CTTN: variants seen among roughly 807,000 people sequenced by gnomAD.
The protein encoded by CTTN is cortactin.
A neutral mutation model predicts 84.0 loss-of-function variants in CTTN; 28 were observed. The observed-to-expected ratio is 0.33, with a 90% CI of 0.25 to 0.46. CTTN has a LOEUF of 0.46. Ranked by LOEUF, CTTN falls within the 20% of genes least tolerant of loss-of-function variation. The probability of loss-of-function intolerance (pLI) is 1.00; values close to 1 mark genes in which losing one functional copy is unlikely to be tolerated. For synonymous variants in CTTN, 301 were observed against 288.8 expected (o/e 1.04, Z -0.43); for missense variants, 641 against 723.8 (o/e 0.89, Z 1.31).
chr11:70,425,432 G>T, intron 13 of CTTN, 31 bp downstream of exon 13: 3 of 1,575,462 alleles, frequency 1.9e-6, no homozygotes, highest in Non-Finnish European at 2.6e-6. Flanking sequence ...GGAGCACCGT[G>T]TGGTTTCCCA....
At chr11:70,414,003 G>C (rs2058126177) in intron 5 of CTTN, among the ~76,000 whole-genome samples, 1 of 152,146 alleles carries the variant, frequency 6.6e-6, no homozygotes, top group African/African-American at 2.4e-5. Context: ...CTGTGTCCAG[G>C]GTTCGTGTGC....
At chr11:70,424,845 T>G (rs1278314023) in intron 12 of CTTN, among the ~76,000 whole-genome samples, 1 of 152,106 alleles carries the variant, frequency 6.6e-6, no homozygotes, top group Admixed American at 6.5e-5. Context: ...CTGGTCTCCA[T>G]GAGCCCTGAC....
At chr11:70,427,727 G>A (rs192765293) in intron 13 of CTTN, among the ~76,000 whole-genome samples, 15 of 152,358 alleles carry the variant, frequency 9.8e-5, no homozygotes, top group Admixed American at 9.8e-4. Context: ...CTGGGTCTCT[G>A]AGTTGTGCTC....
Position 70,419,949 on chromosome 11 carries a change from A to G in CTTN, c.679+93A>G, listed in dbSNP as rs753525393. The G allele has an allele frequency of 5.4e-6, 5 of 926,646 alleles. No homozygotes were observed. The East Asian group carries it at 1.3e-4, about 24-fold the overall frequency. 57.4% of individuals were successfully genotyped at this position (926,646 alleles called of 1,614,324 possible). A position where few individuals can be genotyped will look rare whatever the true frequency, so the allele number is the denominator to read the frequency against. ...AAAGGAAAAACAAAGCGTTATTGAT[A>G]GCCCTTAACGTAGATGTCTCTTTTT... On this transcript the variant is annotated intron_variant, in intron 9 of 17. Transcript: ENST00000301843.
At chr11:70,410,216 C>T (rs572590479) in intron 5 of CTTN, 1 of 401,022 alleles carries the variant, frequency 2.5e-6, no homozygotes, top group South Asian at 3.7e-5. Context: ...GGAGATTGGC[C>T]CTCAGAGGCA....
At chr11:70,405,949 G>A (rs982969914) in intron 2 of CTTN, among the ~76,000 whole-genome samples, 5 of 152,350 alleles carry the variant, frequency 3.3e-5, no homozygotes, top group East Asian at 1.9e-4. Flanking sequence ...TGGGGCGGCC[G>A]GAGACCAAGC....
rs532273244 is a variant in CTTN at position 70,400,491 on chromosome 11, G to C, written c.-98+1877G>C. On this transcript the variant is annotated intron_variant, in intron 1 of 17. Transcript: ENST00000301843. ...GCTGGAGTGCAGAGGCTCTTCACAGGTGCCATCTAGCACACTGCAACCTTG... is the reference window on the plus strand; with the variant it reads ...GCTGGAGTGCAGAGGCTCTTCACAGCTGCCATCTAGCACACTGCAACCTTG... Among the ~76,000 whole-genome samples, 8 of 152,108 alleles carry C rather than the reference G, an allele frequency of 5.3e-5. No homozygotes were observed. In the South Asian group the frequency reaches 1.7e-3, roughly 32 times the overall value.
chr11:70,425,609 G>GCAGC (rs1310548846), intron 13 of CTTN, among the ~76,000 whole-genome samples: 1 of 152,260 alleles, frequency 6.6e-6, no homozygotes, highest in Non-Finnish European at 1.5e-5. Context: ...GCAGCATGGT[G>GCAGC]CAGCCGTTTC....
intron 2 of CTTN, among the ~76,000 whole-genome samples, chr11:70,406,074 C>G (rs1202386289): frequency 6.6e-6 from 1 of 152,234 alleles, no homozygotes; most frequent in African/African-American, 2.4e-5. Context: ...TTTCTAAAAT[C>G]CTGGCAAAAG....
intron 2 of CTTN, among the ~76,000 whole-genome samples, chr11:70,406,521 GAA>G (rs200374908): frequency 1.2e-4 from 15 of 122,612 alleles, no homozygotes; most frequent in African/African-American, 3.5e-4. Flanking sequence ...TACATAGTTT[GAA>G]AAAAAAAAAA....
At chr11:70,432,823 C>T (rs571658936) in intron 15 of CTTN, among the ~76,000 whole-genome samples, 14 of 152,278 alleles carry the variant, frequency 9.2e-5, no homozygotes, top group Admixed American at 3.3e-4. Context: ...TGGGCAGGGG[C>T]GTGTCTCCTA....
chr11:70,400,551 C>T (rs1477569474), intron 1 of CTTN, among the ~76,000 whole-genome samples: 1 of 152,178 alleles, frequency 6.6e-6, no homozygotes, highest in East Asian at 1.9e-4. Context: ...CCACCTCAGC[C>T]TCCCAAGTAG....
At chr11:70,406,058 A>C (rs1178746736) in intron 2 of CTTN, among the ~76,000 whole-genome samples, 2 of 152,234 alleles carry the variant, frequency 1.3e-5, no homozygotes, top group African/African-American at 4.8e-5. Context: ...ATTCTAGTTC[A>C]TCTGTTTTCT....
At position 70,407,439 on chromosome 11, in the gene CTTN, G is replaced by A. The variant is rs368279073; in HGVS notation, c.87+55G>A. Reference sequence around the variant, plus strand: ...TTCATGAAGTGGAAGTGGCTCTCCTGGGTTTTTCTTTGATGGGGTGGTGGT... The same window carrying A: ...TTCATGAAGTGGAAGTGGCTCTCCTAGGTTTTTCTTTGATGGGGTGGTGGT... On this transcript the variant is annotated intron_variant, in intron 3 of 17. Coordinates refer to ENST00000301843, the MANE Select transcript of CTTN (RefSeq NM_005231.4). 304 of 1,612,630 alleles carry A rather than the reference G, an allele frequency of 1.9e-4. 1 individual carries two copies. Among genetic ancestry groups the A allele is most frequent in the Non-Finnish European group, 2.5e-4 (293 of 1,178,902 alleles).
chr11:70,419,865 C>A lies in CTTN; in HGVS notation c.679+9C>A. ...GCACGAGTCCCAGAAAGGTGTCTTCCGTTTTATCTTACCCTCCAGCCAGCA... is the reference window on the plus strand; with the variant it reads ...GCACGAGTCCCAGAAAGGTGTCTTCAGTTTTATCTTACCCTCCAGCCAGCA... On this transcript the variant is annotated intron_variant, in intron 9 of 17. Transcript: ENST00000301843. 1 of 1,603,080 alleles carries A rather than the reference C, an allele frequency of 6.2e-7. No individual in the cohort carries two copies. The highest frequency in any genetic ancestry group is 8.5e-7 in the Non-Finnish European group (1 of 1,171,928).
At chr11:70,407,892 C>A in intron 4 of CTTN, 1 of 349,786 alleles carries the variant, frequency 2.9e-6, no homozygotes. Context: ...TGGCTTTTAT[C>A]AGGGAACATT....
At chr11:70,405,692 C>T (rs1467767179) in intron 2 of CTTN, among the ~76,000 whole-genome samples, 8 of 152,210 alleles carry the variant, frequency 5.3e-5, no homozygotes, top group South Asian at 4.1e-4. Flanking sequence ...CCACCCCGCT[C>T]GCTGGTGAAG....
chr11:70,413,488 G>A (rs1170811110), intron 5 of CTTN, among the ~76,000 whole-genome samples: 4 of 152,204 alleles, frequency 2.6e-5, no homozygotes, highest in Non-Finnish European at 5.9e-5. Context: ...ACTGCCGAAC[G>A]GAGTTGCTGA....
intron 5 of CTTN, among the ~76,000 whole-genome samples, chr11:70,410,787 A>G (rs939767587): frequency 6.6e-6 from 1 of 152,138 alleles, no homozygotes; most frequent in African/African-American, 2.4e-5. Context: ...TACTCTGTGG[A>G]AAGAAGTGTG....
Sources: allele counts gnomAD v4.1 joint callset (sites outside exome capture counted in the v4.1 genomes callset), GRCh38; gene constraint gnomAD v4.1.1; transcripts MANE v1.5; gene names NCBI Gene and HGNC (gene_info 2026-07-23, HGNC 2026-07-21).